DDX41: variants seen among roughly 807,000 people sequenced by gnomAD.
DDX41 encodes DEAD-box helicase 41.
In DDX41, 50 loss-of-function variants were observed where a neutral mutation model predicts 78.8. The observed-to-expected ratio is 0.63, with a 90% CI of 0.51 to 0.80. DDX41 has a LOEUF of 0.80. Among genes scored for constraint, DDX41 ranks in the 30% least tolerant of loss-of-function variants. The pLI, the probability that DDX41 is intolerant of heterozygous loss-of-function variation, is 0.00. For synonymous variants in DDX41, 381 were observed against 321.5 expected (o/e 1.19, Z -1.98); for missense variants, 633 against 849.2 (o/e 0.75, Z 3.16).
rs749405703 is a variant in DDX41 at position 177,516,927 on chromosome 5, C to G, written c.19G>C (p.Glu7Gln). 1.2e-6 allele frequency: 2 copies of G among 1,613,060 alleles called. No individual in the cohort carries two copies. Among genetic ancestry groups the G allele is most frequent in the African/African-American group, 1.3e-5 (1 of 74,948 alleles). MEESEPERKRARTDEVP... is the reference protein window; with the variant it reads MEESEPQRKRARTDEVP... ...TCTCGCCTCTCTCCTACCTTCCGTT[C>G]GGGTTCCGACTCCTCCATTCTTTGC... Residue 7 changes from glutamate to glutamine, a missense_variant, in exon 1 of 17, where the codon GAA (glutamate) becomes CAA (glutamine). Glu to Gln is a conservative substitution (Grantham distance 29). Coordinates refer to ENST00000330503, the MANE Select transcript of DDX41 (RefSeq NM_016222.4).
rs367663728 is a variant in DDX41 at position 177,514,760 on chromosome 5, C to T, written c.876G>A (p.Leu292=). 5 of 1,612,782 alleles carry T rather than the reference C, an allele frequency of 3.1e-6. No homozygotes were observed. The African/African-American group carries it at 6.7e-5, about 22-fold the overall frequency. The change falls in exon 9 of 17, where the codon CTG becomes CTA. Residue 292 remains leucine, a synonymous_variant. Transcript: ENST00000330503. This position sits in a 1 kb window ranked among gnomAD's most constrained non-coding sequence, Gnocchi z 4.2. ...RLLQEDSSPL[L]RCALCIGGMS... ...TGCCCCCAATGCAGAGGGCGCAGCG[C>T]AGGAGTGGTGAGCTGTCCTCCTGCA... is the stretch of plus-strand genomic sequence containing the variant.
rs748765304 is a variant in DDX41, at chr5:177,512,802, G to A, written c.1377C>T (p.Ala459=). The change falls in exon 13 of 17, where the codon GCC becomes GCT. Residue 459 remains alanine (A), a synonymous_variant. Coordinates refer to ENST00000330503, the MANE Select transcript of DDX41 (RefSeq NM_016222.4). ...HEYLLLKGVE[A]VAIHGGKDQE... ...GACCTTTGCCCCCATGGATGGCTAC[G>A]GCCTCAACCCCCTTGAGCAGCAGGT... 24 of 1,613,998 alleles carry A rather than the reference G, an allele frequency of 1.5e-5. No homozygotes were observed. In the South Asian group the frequency reaches 2.1e-4, roughly 14 times the overall value.
In DDX41 at chr5:177,513,965, C is replaced by G. The variant is rs1053548508; in HGVS notation, c.936-118G>C. ...CCTCCTTCCTATTTCTTTGTCTGTC[C>G]CCTTCTCATCATTCCCACCACCTGC... On this transcript the variant is annotated intron_variant, in intron 9 of 16. Transcript: ENST00000330503. The surrounding 1 kb of genome is among the most constrained non-coding windows in gnomAD (Gnocchi z 4.6). The G allele has an allele frequency of 9.0e-5, 94 of 1,047,178 alleles. No individual in the cohort carries two copies. The highest frequency in any genetic ancestry group is 1.2e-4 in the Non-Finnish European group (85 of 704,126). 64.9% of individuals were successfully genotyped at this position (1,047,178 alleles called of 1,614,324 possible). A position where few individuals can be genotyped will look rare whatever the true frequency, so the allele number is the denominator to read the frequency against.
In DDX41 at chr5:177,514,828, C is replaced by T; in HGVS notation, c.808G>A (p.Ala270Thr). 1 of 1,611,398 alleles carries T rather than the reference C, an allele frequency of 6.2e-7. No individual in the cohort carries two copies. Among genetic ancestry groups the T allele is most frequent in the Non-Finnish European group, 8.5e-7 (1 of 1,178,724 alleles). The part of the protein sequence containing the change: ...GLIICPSREL[A>T]RQTHGILEYY... Reference sequence around the variant, plus strand: ...TCCAGGATGCCATGGGTCTGCCGGGCCAGCTCCCGCTGCAGGCAGAGGGAC... The same window carrying T: ...TCCAGGATGCCATGGGTCTGCCGGGTCAGCTCCCGCTGCAGGCAGAGGGAC... Residue 270 changes from alanine to threonine, a missense_variant, in exon 9 of 17, where the codon GCC becomes ACC. Physicochemically the swap from Ala to Thr is moderately conservative, Grantham distance 58. Coordinates refer to ENST00000330503, the MANE Select transcript of DDX41 (RefSeq NM_016222.4). This position sits in a 1 kb window ranked among gnomAD's most constrained non-coding sequence, Gnocchi z 4.2.
chr5:177,514,245 G>A lies in DDX41; in HGVS notation c.936-398C>T. On this transcript the variant is annotated intron_variant, in intron 9 of 16. Transcript: ENST00000330503. The surrounding 1 kb of genome is among the most constrained non-coding windows in gnomAD (Gnocchi z 4.2). ...GGTCTGGCCCATCTGTGAACAGAGGGCCTGGTCCAGGGCCTCTGGTGGTCT... is the reference window on the plus strand; with the variant it reads ...GGTCTGGCCCATCTGTGAACAGAGGACCTGGTCCAGGGCCTCTGGTGGTCT... 2.0e-6 allele frequency: 1 copy of A among 489,724 alleles called. No homozygotes were observed. Among genetic ancestry groups the A allele is most frequent in the Non-Finnish European group, 4.0e-6 (1 of 249,770 alleles). The allele number at this position is 489,724 out of a possible 1,614,324, so 30.3% of individuals were successfully genotyped here.
In DDX41 at chr5:177,516,900, G is replaced by T. The variant is rs371982148; in HGVS notation, c.27+19C>A. ...TTCACGCCCGCTCCCACACGCGCGGGGTCTCGCCTCTCTCCTACCTTCCGT... is the reference window on the plus strand; with the variant it reads ...TTCACGCCCGCTCCCACACGCGCGGTGTCTCGCCTCTCTCCTACCTTCCGT... On this transcript the variant is annotated intron_variant, in intron 1 of 16. Coordinates refer to ENST00000330503, the MANE Select transcript of DDX41 (RefSeq NM_016222.4). 2.5e-6 allele frequency: 4 copies of T among 1,613,342 alleles called. No homozygotes were observed. The South Asian group carries it at 3.3e-5, about 13-fold the overall frequency.
Position 177,511,744 on chromosome 5 carries a change from C to T in DDX41, c.*47G>A, listed in dbSNP as rs1239026597. 6.3e-7 allele frequency: 1 copy of T among 1,582,866 alleles called. No individual in the cohort carries two copies. Among genetic ancestry groups the T allele is most frequent in the Non-Finnish European group, 8.6e-7 (1 of 1,160,814 alleles). On this transcript the variant is annotated 3_prime_UTR_variant, in exon 17 of 17. Transcript: ENST00000330503. ...GGCTGCTGTATGTGTAGACTGGTGG[C>T]AGTCTTGGGGACTGAGGCCTCTTGG... is the stretch of plus-strand genomic sequence containing the variant.
Position 177,516,101 on chromosome 5 carries a change from T to G in DDX41, c.373+18A>C, listed in dbSNP as rs768614170. On this transcript the variant is annotated intron_variant, in intron 4 of 16. Transcript: ENST00000330503. ...GAAGACTCAGTCCACCTTCTCACTA[T>G]CCTGGCTACAACCATACCTCGGCCC... 63 of 1,613,932 alleles carry G rather than the reference T, an allele frequency of 3.9e-5. 1 individual carries two copies. The Admixed American group carries it at 9.2e-4, about 23-fold the overall frequency.
Position 177,512,082 on chromosome 5 carries a change from C to T in DDX41, c.1732+14G>A, listed in dbSNP as rs1181517880. 17 of 1,612,074 alleles carry T rather than the reference C, an allele frequency of 1.1e-5. No individual in the cohort carries two copies. The highest frequency in any genetic ancestry group is 1.2e-5 in the Non-Finnish European group (14 of 1,179,724). On this transcript the variant is annotated intron_variant, in intron 16 of 16. Coordinates refer to ENST00000330503, the MANE Select transcript of DDX41 (RefSeq NM_016222.4). Reference sequence around the variant, plus strand: ...CTGCCGGCTGGGGACTCGGGGATCCCGCTCTGCAGTCACCTCCAATGTCCA... The same window carrying T: ...CTGCCGGCTGGGGACTCGGGGATCCTGCTCTGCAGTCACCTCCAATGTCCA...
In DDX41 at chr5:177,515,929, C is replaced by G; in HGVS notation, c.434G>C (p.Ser145Thr). 6.2e-7 allele frequency: 1 copy of G among 1,614,174 alleles called. No homozygotes were observed. Among genetic ancestry groups the G allele is most frequent in the South Asian group, 1.1e-5 (1 of 91,084 alleles). ...GCAACTGCAGACTGTACAGACATAC[C>G]TGGTTTTGATGGGGTCATCATACGT... ...GITYDDPIKTSWTPPRYVLSM... is the reference protein window; with the variant it reads ...GITYDDPIKTTWTPPRYVLSM... Residue 145 changes from serine (S) to threonine (T), a missense_variant and splice_region_variant, in exon 5 of 17, where the codon AGC becomes ACC. Ser to Thr is a moderately conservative substitution (Grantham distance 58). Around this residue, in one of 6 missense-constraint regions of DDX41, gnomAD observed 126 missense variants for 115.5 expected, o/e 1.09. Coordinates refer to ENST00000330503, the MANE Select transcript of DDX41 (RefSeq NM_016222.4).
At chr5:177,515,354 T>A in intron 6 of DDX41, 96 bp from the exon 7 acceptor site, 1 of 1,205,704 alleles carries the variant, frequency 8.3e-7, no homozygotes. Flanking sequence ...AAGTTGCAGA[T>A]GATGAAACTG....
chr5:177,512,237 C>T, intron 15 of DDX41, 31 bp from the exon 16 acceptor site: 3 of 1,613,818 alleles, frequency 1.9e-6, no homozygotes. Flanking sequence ...CATCAGGGCC[C>T]ATCCTGGGCT....
chr5:177,514,561 T>A lies in DDX41; in HGVS notation c.935+140A>T. 1.6e-6 allele frequency: 2 copies of A among 1,228,400 alleles called. No individual in the cohort carries two copies. The highest frequency in any genetic ancestry group is 2.3e-6 in the Non-Finnish European group (2 of 885,404). The allele number at this position is 1,228,400 out of a possible 1,614,324, so 76.1% of individuals were successfully genotyped here. ...TGTCCTCCCCCAACTAACCTCCCCATTAGACTGGGAGCTCCTTGAGGGTCG... is the reference window on the plus strand; with the variant it reads ...TGTCCTCCCCCAACTAACCTCCCCAATAGACTGGGAGCTCCTTGAGGGTCG... On this transcript the variant is annotated intron_variant, in intron 9 of 16. Coordinates refer to ENST00000330503, the MANE Select transcript of DDX41 (RefSeq NM_016222.4). This position sits in a 1 kb window ranked among gnomAD's most constrained non-coding sequence, Gnocchi z 4.2.
rs2127437591 is a variant in DDX41 at position 177,515,816 on chromosome 5, G to A, written c.440C>T (p.Thr147Ile). The change falls in exon 6 of 17, where the codon ACT (threonine) becomes ATT (isoleucine). Residue 147 changes from threonine to isoleucine, a missense_variant. Around this residue, in one of 6 missense-constraint regions of DDX41, gnomAD observed 126 missense variants for 115.5 expected, o/e 1.09. Transcript: ENST00000330503. Reference protein sequence around the residue: ...TYDDPIKTSWTPPRYVLSMSE... With the variant: ...TYDDPIKTSWIPPRYVLSMSE... ...CATGCTCAGAACATAACGGGGTGGA[G>A]TCCAGCTGTGGATGGGTAACAGGGA... 6.2e-7 allele frequency: 1 copy of A among 1,614,198 alleles called. No homozygotes were observed. Among genetic ancestry groups the A allele is most frequent in the Admixed American group, 1.7e-5 (1 of 60,032 alleles).
intron 12 of DDX41, 33 bp from the exon 13 acceptor site, chr5:177,512,909 A>G: frequency 6.2e-7 from 1 of 1,608,744 alleles, no homozygotes; most frequent in South Asian, 1.1e-5. Context: ...GTCAGGGGCT[A>G]ACTGCCTGGG....
Position 177,514,127 on chromosome 5 carries a change from T to C in DDX41, c.936-280A>G. On this transcript the variant is annotated intron_variant, in intron 9 of 16. Coordinates refer to ENST00000330503, the MANE Select transcript of DDX41 (RefSeq NM_016222.4). This position sits in a 1 kb window ranked among gnomAD's most constrained non-coding sequence, Gnocchi z 4.2. ...TCATCAAGCTCCAGAGGCTTTACTC[T>C]GGGCTCGCTTTCCTGGCCCACTGGC... 2 of 614,952 alleles carry C rather than the reference T, an allele frequency of 3.3e-6. No individual in the cohort carries two copies. Among genetic ancestry groups the C allele is most frequent in the Non-Finnish European group, 6.1e-6 (2 of 329,422 alleles). The allele number at this position is 614,952 out of a possible 1,614,324, so 38.1% of individuals were successfully genotyped here.
rs755765308 is a variant in DDX41, at chr5:177,516,795, G to A, written c.68C>T (p.Ser23Phe). ...TDEVPAGGSR[S>F]EAEDEDDEDY... The stretch of plus-strand genomic sequence containing the variant: ...CTCGTCGTCCTCATCTTCCGCCTCG[G>A]AGCGGCTTCCTCCGGCAGGCACCTC... Residue 23 changes from serine (S) to phenylalanine (F), a missense_variant, in exon 2 of 17, where the codon TCC becomes TTC. Around this residue, in one of 6 missense-constraint regions of DDX41, gnomAD observed 140 missense variants for 115.2 expected, o/e 1.22. Coordinates refer to ENST00000330503, the MANE Select transcript of DDX41 (RefSeq NM_016222.4). The A allele has an allele frequency of 6.2e-7, 1 of 1,612,740 alleles. No individual in the cohort carries two copies. Among genetic ancestry groups the A allele is most frequent in the South Asian group, 1.1e-5 (1 of 91,052 alleles).
chr5:177,515,672 A>C lies in DDX41; in HGVS notation c.571+13T>G, dbSNP rs182744895. 1,391 of 1,613,676 alleles carry C rather than the reference A, an allele frequency of 8.6e-4. 10 individuals are homozygous for C. In the Middle Eastern group the frequency reaches 0.02, roughly 23 times the overall value. On this transcript the variant is annotated intron_variant, in intron 6 of 16. Transcript: ENST00000330503. The stretch of plus-strand genomic sequence containing the variant: ...TTATAAAAGTGTGGTATCTCTCTCC[A>C]GCCCCTGACTACCTGCAGGAAACTT...
chr5:177,511,893 A>G lies in DDX41; in HGVS notation c.1767T>C (p.Gly589=). The change falls in exon 17 of 17, where the codon GGT becomes GGC. Residue 589 remains glycine, a synonymous_variant. Transcript: ENST00000330503. ...ERGCAFCGGL[G]HRITDCPKLE... is the part of the protein sequence containing the mutation. ...GTTTGGGGCAGTCAGTGATCCGATGACCCAGGCCCCCGCAGAAGGCACAGC... is the reference window on the plus strand; with the variant it reads ...GTTTGGGGCAGTCAGTGATCCGATGGCCCAGGCCCCCGCAGAAGGCACAGC... 6.2e-7 allele frequency: 1 copy of G among 1,613,980 alleles called. No homozygotes were observed. The highest frequency in any genetic ancestry group is 2.2e-5 in the East Asian group (1 of 44,888).
Sources: gnomAD v4.1 joint callset for allele counts on GRCh38, gnomAD v4.1.1 for gene constraint, gnomAD v4.1.1 regional missense constraint, Gnocchi (gnomAD v3.1) non-coding constraint, MANE v1.5 for transcripts, NCBI Gene and HGNC (gene_info 2026-07-23, HGNC 2026-07-21) for gene names.